Variants in XYLT1 observed in about 807,000 individuals in gnomAD.
XYLT1 encodes the protein beta-D-xylosyltransferase 1.
A neutral mutation model predicts 91.3 loss-of-function variants in XYLT1; 36 were observed. That is an observed-to-expected ratio of 0.39 (90% CI 0.30 to 0.52). The LOEUF (loss-of-function observed/expected upper bound fraction) is 0.52, where lower values mean the gene tolerates loss of function less well. Ranked by LOEUF, XYLT1 falls within the 20% of genes least tolerant of loss-of-function variation. XYLT1 has a pLI of 0.68. For missense variants in XYLT1, 1,242 were observed against 1,284.5 expected (o/e 0.97, Z 0.51); for synonymous variants, 588 against 532.0 (o/e 1.11, Z -1.45).
chr16:17,359,438 T>C (rs61103590), intron 1 of XYLT1, among the ~76,000 whole-genome samples: 1,666 of 152,330 alleles, frequency 0.011, 38 homozygotes, highest in African/African-American at 0.037. Context: ...TTTGTAATGA[T>C]GCCCAATTCT....
At chr16:17,190,349 G>A (rs1311344338) in intron 5 of XYLT1, among the ~76,000 whole-genome samples, 1 of 151,872 alleles carries the variant, frequency 6.6e-6, no homozygotes, top group Admixed American at 6.6e-5. Context: ...CAACATGCAG[G>A]TTTGTTACAT....
chr16:17,371,189 G>A (rs1006529241), intron 1 of XYLT1, among the ~76,000 whole-genome samples: 6 of 152,178 alleles, frequency 3.9e-5, no homozygotes, highest in Admixed American at 1.3e-4. Context: ...CATGGATAGG[G>A]GTGAGAGTCC....
At chr16:17,165,789 T>C (rs2031667130) in intron 5 of XYLT1, among the ~76,000 whole-genome samples, 1 of 152,192 alleles carries the variant, frequency 6.6e-6, no homozygotes, top group South Asian at 2.1e-4. Flanking sequence ...TACTGCTCCA[T>C]TGAACACCCT....
intron 3 of XYLT1, among the ~76,000 whole-genome samples, chr16:17,230,471 T>C (rs2033141443): frequency 6.6e-6 from 1 of 152,222 alleles, no homozygotes; most frequent in East Asian, 1.9e-4. Context: ...CCGTGAGCAG[T>C]AGATGGTCCT....
At chr16:17,133,606 A>G (rs1021566940) in intron 9 of XYLT1, among the ~76,000 whole-genome samples, 2 of 152,194 alleles carry the variant, frequency 1.3e-5, no homozygotes, top group African/African-American at 2.4e-5. Flanking sequence ...GTATAATGCC[A>G]AGGGAAGAAA....
At chr16:17,184,513 T>C (rs866440670) in intron 5 of XYLT1, among the ~76,000 whole-genome samples, 4 of 149,686 alleles carry the variant, frequency 2.7e-5, no homozygotes, top group Non-Finnish European at 5.9e-5. Flanking sequence ...ATGGCATCGA[T>C]GTAAGGTTCA....
At chr16:17,374,603 G>T (rs553967848) in intron 1 of XYLT1, among the ~76,000 whole-genome samples, 1 of 149,424 alleles carries the variant, frequency 6.7e-6, no homozygotes, top group South Asian at 2.1e-4. Context: ...CTACCATGCC[G>T]TACTAATTAT....
At chr16:17,119,552 C>T (rs1036584880) in intron 10 of XYLT1, among the ~76,000 whole-genome samples, 2 of 152,206 alleles carry the variant, frequency 1.3e-5, no homozygotes, top group African/African-American at 4.8e-5. Context: ...TCTCATTGTT[C>T]TTGCAAGAGG....
chr16:17,296,296 C>T (rs370062052), intron 2 of XYLT1, among the ~76,000 whole-genome samples: 1 of 152,150 alleles, frequency 6.6e-6, no homozygotes, highest in African/African-American at 2.4e-5. Flanking sequence ...CCACAGGAGG[C>T]AGGCTCAGCG....
At chr16:17,117,232 CT>C (rs751393271) in intron 11 of XYLT1, among the ~76,000 whole-genome samples, 69 of 152,302 alleles carry the variant, frequency 4.5e-4, no homozygotes, top group Non-Finnish European at 8.1e-4. Flanking sequence ...TAGCAAATAT[CT>C]TCTACTATTA....
At chr16:17,126,421 G>T (rs2030262869) in intron 10 of XYLT1, among the ~76,000 whole-genome samples, 1 of 152,188 alleles carries the variant, frequency 6.6e-6, no homozygotes, top group African/African-American at 2.4e-5. Context: ...AGTAATTTAT[G>T]GAATGGGCTC....
intron 1 of XYLT1, among the ~76,000 whole-genome samples, chr16:17,410,644 A>AC (rs35911577): frequency 0.17 from 24,322 of 140,326 alleles, 2,435 homozygotes; most frequent in Admixed American, 0.27. Flanking sequence ...ACCTGTCATT[A>AC]CTTTTTTTTT....
At chr16:17,260,664 G>A (rs981156281) in intron 2 of XYLT1, among the ~76,000 whole-genome samples, 4 of 152,180 alleles carry the variant, frequency 2.6e-5, no homozygotes, top group African/African-American at 9.7e-5. Context: ...ACAACTGCCT[G>A]TGTTTTTTAT....
intron 2 of XYLT1, among the ~76,000 whole-genome samples, chr16:17,323,221 A>G (rs2034750703): frequency 6.6e-6 from 1 of 152,218 alleles, no homozygotes; most frequent in Admixed American, 6.5e-5. Flanking sequence ...TCCAGAAGGG[A>G]GAAAGGCTCT....
chr16:17,380,181 G>A (rs1305546307), intron 1 of XYLT1, among the ~76,000 whole-genome samples: 5 of 152,254 alleles, frequency 3.3e-5, no homozygotes, highest in Admixed American at 6.5e-5. Context: ...CCAGCTATTC[G>A]GGAGGCTGAG....
At chr16:17,259,574 G>A in intron 2 of XYLT1, 76 bp from the exon 3 acceptor site, 2 of 1,520,186 alleles carry the variant, frequency 1.3e-6, no homozygotes, top group South Asian at 1.2e-5. Context: ...TTTGAAGAGT[G>A]AGTCATACGG....
intron 1 of XYLT1, among the ~76,000 whole-genome samples, chr16:17,432,030 C>T (rs2036398611): frequency 1.3e-5 from 2 of 152,204 alleles, no homozygotes; most frequent in Admixed American, 1.3e-4. Flanking sequence ...GGTTGTATTT[C>T]ACACACAGCG....
intron 1 of XYLT1, among the ~76,000 whole-genome samples, chr16:17,445,373 G>A (rs1169178564): frequency 2.0e-5 from 3 of 152,214 alleles, no homozygotes; most frequent in Admixed American, 6.5e-5. Context: ...CAGATGAATG[G>A]CATTTGAGTG....
chr16:17,122,683 T>A (rs1050229916), intron 10 of XYLT1, among the ~76,000 whole-genome samples: 6 of 152,254 alleles, frequency 3.9e-5, no homozygotes, highest in African/African-American at 1.4e-4. Context: ...GAAGGGTTTT[T>A]CCAATTTTAT....
Sources: gnomAD v4.1 joint callset for allele counts (sites outside exome capture counted in the v4.1 genomes callset) on GRCh38, gnomAD v4.1.1 for gene constraint, MANE v1.5 for transcripts, NCBI Gene and HGNC (gene_info 2026-07-23, HGNC 2026-07-21) for gene names.